Variants in THSD7A observed in about 807,000 individuals in gnomAD.
THSD7A encodes the protein thrombospondin type-1 domain-containing protein 7A.
Under a neutral mutation model 231.3 loss-of-function variants are expected in THSD7A, and 96 were observed. The observed-to-expected ratio is 0.41, with a 90% CI of 0.35 to 0.49. THSD7A has a LOEUF of 0.49. Ranked by LOEUF, THSD7A falls within the 20% of genes least tolerant of loss-of-function variation. The pLI is 0.05. For synonymous variants in THSD7A, 940 were observed against 743.3 expected (o/e 1.26, Z -4.30); for missense variants, 2,290 against 2,070.2 (o/e 1.11, Z -2.06).
At chr7:11,732,569 G>T (rs1028540442) in intron 1 of THSD7A, among the ~76,000 whole-genome samples, 6 of 151,804 alleles carry the variant, frequency 4.0e-5, no homozygotes. Context: ...TATAGTTTAT[G>T]TATAAAACAC....
chr7:11,832,110 A>G lies in THSD7A; in HGVS notation c.-164T>C, dbSNP rs940622470. On this transcript the variant is annotated 5_prime_UTR_variant, in exon 1 of 28. Coordinates refer to ENST00000423059, the MANE Select transcript of THSD7A (RefSeq NM_015204.3). ...AGAGCGCGTCTAACACCAGGGAACA[A>G]TAGCGTCCGCGGTGGTGGCCGTGGC... The G allele has an allele frequency of 1.2e-5, 5 of 418,794 alleles. No homozygotes were observed. Among genetic ancestry groups the G allele is most frequent in the African/African-American group, 1.1e-4 (5 of 47,496 alleles). 25.9% of individuals were successfully genotyped at this position (418,794 alleles called of 1,614,324 possible). A position where few individuals can be genotyped will look rare whatever the true frequency, so the allele number is the denominator to read the frequency against.
Position 11,446,264 on chromosome 7 carries a change from T to C in THSD7A, c.2861A>G (p.Gln954Arg). The C allele has an allele frequency of 6.2e-7, 1 of 1,613,378 alleles. No individual in the cohort carries two copies. The highest frequency in any genetic ancestry group is 8.5e-7 in the Non-Finnish European group (1 of 1,179,522). ...NSHLYPLIET[Q>R]YCPCDKYNAQ... ...ATTATATTTGTCACAAGGACAATAC[T>C]GAGTCTCAATCAGGGGATACAAATG... Residue 954 changes from glutamine (Q) to arginine (R), a missense_variant, in exon 13 of 28, where the codon CAG becomes CGG. Coordinates refer to ENST00000423059, the MANE Select transcript of THSD7A (RefSeq NM_015204.3). The surrounding 1 kb of genome is among the most constrained non-coding windows in gnomAD (Gnocchi z 4.0).
intron 1 of THSD7A, among the ~76,000 whole-genome samples, chr7:11,660,331 A>C (rs1325189748): frequency 6.6e-6 from 1 of 151,514 alleles, no homozygotes; most frequent in African/African-American, 2.4e-5. Context: ...TGCAATAACA[A>C]AGCAAAGACT....
intron 1 of THSD7A, among the ~76,000 whole-genome samples, chr7:11,689,892 C>T (rs1780181695): frequency 6.7e-6 from 1 of 150,338 alleles, no homozygotes; most frequent in Non-Finnish European, 1.5e-5. Flanking sequence ...TTTGTATCTG[C>T]CCACATTAAA....
chr7:11,527,027 C>T (rs907534794), intron 6 of THSD7A, among the ~76,000 whole-genome samples: 5 of 152,064 alleles, frequency 3.3e-5, no homozygotes, highest in Non-Finnish European at 7.4e-5. Context: ...AATGATTAAA[C>T]CAGTTTGTTG....
At chr7:11,459,664 GATT>G (rs1483173537) in intron 11 of THSD7A, among the ~76,000 whole-genome samples, 1 of 115,870 alleles carries the variant, frequency 8.6e-6, no homozygotes, top group African/African-American at 3.5e-5. Flanking sequence ...AAAAACAGGG[GATT>G]TTTTTTTTTT....
intron 2 of THSD7A, among the ~76,000 whole-genome samples, chr7:11,611,949 G>A (rs1780948500): frequency 6.6e-6 from 1 of 151,694 alleles, no homozygotes; most frequent in African/African-American, 2.4e-5. Flanking sequence ...TCAAGTAATA[G>A]TCCAAACTCA....
At chr7:11,631,408 T>C (rs1164929379) in intron 2 of THSD7A, among the ~76,000 whole-genome samples, 2 of 152,154 alleles carry the variant, frequency 1.3e-5, no homozygotes, top group Non-Finnish European at 2.9e-5. Context: ...ACATACCTTA[T>C]GTGGTAATAA....
chr7:11,496,391 G>A (rs774999013), intron 6 of THSD7A, among the ~76,000 whole-genome samples: 10 of 152,102 alleles, frequency 6.6e-5, no homozygotes, highest in Admixed American at 5.2e-4. Flanking sequence ...GAAAATATGC[G>A]AGAGGTGATC....
chr7:11,465,780 G>GA (rs1189153116), intron 9 of THSD7A, among the ~76,000 whole-genome samples: 3 of 151,396 alleles, frequency 2.0e-5, no homozygotes, highest in Non-Finnish European at 3.0e-5. Flanking sequence ...AATGCAGTGA[G>GA]AAAAAAAAGG....
rs1344420538 is a variant in THSD7A, at chr7:11,637,303, T to C, written c.191-342A>G. ...GAAATTAGTCACAGTGAAAACTCAT[T>C]ACTCCGGCCTCACAATCATCAAATC... On this transcript the variant is annotated intron_variant, in intron 1 of 27. Transcript: ENST00000423059. This position sits in a 1 kb window ranked among gnomAD's most constrained non-coding sequence, Gnocchi z 4.2. 6.6e-6 allele frequency among the ~76,000 whole-genome samples: 1 copy of C among 152,184 alleles called. No homozygotes were observed. The highest frequency in any genetic ancestry group is 1.5e-5 in the Non-Finnish European group (1 of 68,022).
chr7:11,393,695 C>T (rs1783072410), intron 23 of THSD7A, among the ~76,000 whole-genome samples: 1 of 152,182 alleles, frequency 6.6e-6, no homozygotes, highest in African/African-American at 2.4e-5. Context: ...CTGAAAAACA[C>T]AGCTCAAAAA....
At chr7:11,639,492 A>G (rs1047184855) in intron 1 of THSD7A, among the ~76,000 whole-genome samples, 47 of 151,920 alleles carry the variant, frequency 3.1e-4, no homozygotes, top group Admixed American at 1.3e-4. Flanking sequence ...ACACAGTGAA[A>G]CCCTGTCTGT....
At chr7:11,744,091 C>A (rs1684062256) in intron 1 of THSD7A, among the ~76,000 whole-genome samples, 1 of 151,920 alleles carries the variant, frequency 6.6e-6, no homozygotes, top group Middle Eastern at 3.4e-3. Context: ...TTTTAAGGAA[C>A]CCAAAATGAA....
At chr7:11,540,159 G>C (rs1333684044) in intron 6 of THSD7A, among the ~76,000 whole-genome samples, 1 of 152,120 alleles carries the variant, frequency 6.6e-6, no homozygotes, top group African/African-American at 2.4e-5. Context: ...AGCAGATTAT[G>C]CTTATCGTAG....
chr7:11,409,438 CA>C (rs1783705525), intron 19 of THSD7A, among the ~76,000 whole-genome samples: 1 of 152,166 alleles, frequency 6.6e-6, no homozygotes, highest in Non-Finnish European at 1.5e-5. Flanking sequence ...GTAGTATTTG[CA>C]TGTAAGCTTA....
intron 13 of THSD7A, among the ~76,000 whole-genome samples, chr7:11,433,506 T>A (rs1183413498): frequency 6.6e-6 from 1 of 152,032 alleles, no homozygotes; most frequent in African/African-American, 2.4e-5. Context: ...TACAATGAAT[T>A]AAGAACCATC....
chr7:11,600,755 T>C (rs73676039), intron 2 of THSD7A, among the ~76,000 whole-genome samples: 1,817 of 152,320 alleles, frequency 0.012, 33 homozygotes, highest in African/African-American at 0.041. Flanking sequence ...TAATCAACCA[T>C]AGAGATGCTG....
At chr7:11,553,620 C>G (rs62434466) in intron 4 of THSD7A, among the ~76,000 whole-genome samples, 2,308 of 152,016 alleles carry the variant, frequency 0.015, 42 homozygotes, top group East Asian at 0.04. Context: ...TTTTTGATTT[C>G]TCAGAATAAT....
Sources: gnomAD v4.1 joint callset for allele counts (sites outside exome capture counted in the v4.1 genomes callset) on GRCh38, gnomAD v4.1.1 for gene constraint, Gnocchi (gnomAD v3.1) non-coding constraint, MANE v1.5 for transcripts, NCBI Gene and HGNC (gene_info 2026-07-23, HGNC 2026-07-21) for gene names.